The following HS6ST3 variants were observed in gnomAD, a reference collection of about 807,000 sequenced individuals.
HS6ST3 encodes the protein heparan sulfate 6-O-sulfotransferase 3.
In HS6ST3, 12 loss-of-function variants were observed where a neutral mutation model predicts 36.7. The observed-to-expected ratio is 0.33, with a 90% CI of 0.21 to 0.53. The LOEUF (loss-of-function observed/expected upper bound fraction) is 0.53, where lower values mean the gene tolerates loss of function less well. HS6ST3 is among the 20% of genes least tolerant of loss of function. The pLI is 0.95. For synonymous variants in HS6ST3, 240 were observed against 257.5 expected (o/e 0.93, Z 0.65); for missense variants, 584 against 640.9 (o/e 0.91, Z 0.96).
At chr13:96,813,564 A>G (rs1211262298) in intron 1 of HS6ST3, among the ~76,000 whole-genome samples, 6 of 152,206 alleles carry the variant, frequency 3.9e-5, no homozygotes, top group Non-Finnish European at 4.4e-5. Flanking sequence ...TCCACTGTGG[A>G]AAATGAGGAA....
chr13:96,785,111 G>C (rs565795028), intron 1 of HS6ST3, among the ~76,000 whole-genome samples: 2 of 152,234 alleles, frequency 1.3e-5, no homozygotes, highest in Non-Finnish European at 2.9e-5. Context: ...AGAGGTTGTA[G>C]TGAACTGAGA....
At chr13:96,738,418 C>T (rs1365745995) in intron 1 of HS6ST3, among the ~76,000 whole-genome samples, 2 of 151,308 alleles carry the variant, frequency 1.3e-5, no homozygotes, top group Non-Finnish European at 3.0e-5. Flanking sequence ...GAATATACTG[C>T]CATCGATGAT....
intron 1 of HS6ST3, among the ~76,000 whole-genome samples, chr13:96,155,591 T>A (rs2054106596): frequency 1.5e-3 from 1 of 648 alleles, no homozygotes; most frequent in South Asian, 0.25. Context: ...GGTTAAGGAT[T>A]TTTTTTTAAA....
chr13:96,436,809 A>G (rs554347167), intron 1 of HS6ST3, among the ~76,000 whole-genome samples: 161 of 152,284 alleles, frequency 1.1e-3, no homozygotes, highest in African/African-American at 3.8e-3. Context: ...AAACTGTAAG[A>G]CAATAAATTT....
chr13:96,610,610 G>T (rs2056453904), intron 1 of HS6ST3, among the ~76,000 whole-genome samples: 1 of 152,094 alleles, frequency 6.6e-6, no homozygotes, highest in Non-Finnish European at 1.5e-5. Context: ...AGCACCAATA[G>T]CTTGAAATCC....
At chr13:96,156,304 A>G (rs1173829282) in intron 1 of HS6ST3, among the ~76,000 whole-genome samples, 1 of 152,154 alleles carries the variant, frequency 6.6e-6, no homozygotes, top group African/African-American at 2.4e-5. Context: ...TCGGTGCTAT[A>G]CTGTGGCATC....
chr13:96,633,947 C>T (rs2056540469), intron 1 of HS6ST3, among the ~76,000 whole-genome samples: 6 of 151,966 alleles, frequency 3.9e-5, no homozygotes, highest in Non-Finnish European at 8.8e-5. Context: ...GAGGTGGGGC[C>T]TTTGGGAAGT....
intron 1 of HS6ST3, among the ~76,000 whole-genome samples, chr13:96,139,918 AT>A (rs1419389890): frequency 6.6e-6 from 1 of 152,174 alleles, no homozygotes; most frequent in East Asian, 1.9e-4. Context: ...CTTAAACAAC[AT>A]GGGTTTGAAC....
At chr13:96,395,500 G>GT (rs1338648783) in intron 1 of HS6ST3, among the ~76,000 whole-genome samples, 17 of 152,040 alleles carry the variant, frequency 1.1e-4, no homozygotes, top group South Asian at 8.3e-4. Flanking sequence ...CCATCCATCC[G>GT]TTTTTTTCCT....
At chr13:96,685,759 C>T (rs1034218654) in intron 1 of HS6ST3, among the ~76,000 whole-genome samples, 3 of 152,038 alleles carry the variant, frequency 2.0e-5, no homozygotes, top group Non-Finnish European at 2.9e-5. Flanking sequence ...GTAACAGCTA[C>T]TGCCATCTCA....
At chr13:96,396,937 A>C (rs1594771030) in intron 1 of HS6ST3, among the ~76,000 whole-genome samples, 1 of 152,100 alleles carries the variant, frequency 6.6e-6, no homozygotes, top group Non-Finnish European at 1.5e-5. Flanking sequence ...GTGTGGTGGC[A>C]CACGCCTGTA....
chr13:96,467,792 A>G (rs910844639), intron 1 of HS6ST3, among the ~76,000 whole-genome samples: 1 of 152,192 alleles, frequency 6.6e-6, no homozygotes, highest in African/African-American at 2.4e-5. Flanking sequence ...AAGGAAAATC[A>G]TGTGCCCAAA....
At chr13:96,466,598 G>A (rs554740388) in intron 1 of HS6ST3, among the ~76,000 whole-genome samples, 11 of 152,298 alleles carry the variant, frequency 7.2e-5, no homozygotes, top group Non-Finnish European at 8.8e-5. Flanking sequence ...AGTCACAAAT[G>A]TCAGGATTTC....
chr13:96,838,150 G>A lies in HS6ST3; in HGVS notation c.*4952G>A, dbSNP rs1334493502. The A allele has an allele frequency of 2.6e-5, 4 of 152,274 alleles. No individual in the cohort carries two copies. The highest frequency in any genetic ancestry group is 9.6e-5 in the African/African-American group (4 of 41,556). 9.4% of individuals were successfully genotyped at this position (152,274 alleles called of 1,614,324 possible). A position where few individuals can be genotyped will look rare whatever the true frequency, so the allele number is the denominator to read the frequency against. ...AGAGAAAATTGTGGCTCCTAAAGGA[G>A]GCAGATCTTTCCAAGGTGGAAAGGT... On this transcript the variant is annotated 3_prime_UTR_variant, in exon 2 of 2. Coordinates refer to ENST00000376705, the MANE Select transcript of HS6ST3 (RefSeq NM_153456.4).
At chr13:96,311,897 T>G (rs1043862615) in intron 1 of HS6ST3, among the ~76,000 whole-genome samples, 1 of 152,124 alleles carries the variant, frequency 6.6e-6, no homozygotes, top group African/African-American at 2.4e-5. Context: ...GGACATTGTT[T>G]AAGCCTCTAA....
chr13:96,629,001 G>C (rs999834597), intron 1 of HS6ST3, among the ~76,000 whole-genome samples: 2 of 151,890 alleles, frequency 1.3e-5, no homozygotes, highest in Non-Finnish European at 2.9e-5. Flanking sequence ...TTCATTTTCT[G>C]TCATGTCTTG....
intron 1 of HS6ST3, among the ~76,000 whole-genome samples, chr13:96,652,381 C>G (rs1252526273): frequency 6.6e-6 from 1 of 151,400 alleles, no homozygotes; most frequent in Non-Finnish European, 1.5e-5. Flanking sequence ...CATTTCTTTC[C>G]TCCCTCCCTT....
intron 1 of HS6ST3, among the ~76,000 whole-genome samples, chr13:96,289,542 C>T (rs2054819446): frequency 6.6e-6 from 1 of 151,986 alleles, no homozygotes; most frequent in Non-Finnish European, 1.5e-5. Flanking sequence ...AAATGGTTAC[C>T]ATTATTTTAC....
chr13:96,585,392 A>G (rs1480032409), intron 1 of HS6ST3, among the ~76,000 whole-genome samples: 1 of 152,198 alleles, frequency 6.6e-6, no homozygotes, highest in African/African-American at 2.4e-5. Flanking sequence ...TGAGCAAAAT[A>G]TGATATTTTT....
Sources: gnomAD v4.1 joint callset for allele counts (sites outside exome capture counted in the v4.1 genomes callset) on GRCh38, gnomAD v4.1.1 for gene constraint, MANE v1.5 for transcripts, NCBI Gene and HGNC (gene_info 2026-07-23, HGNC 2026-07-21) for gene names.